Variants in ZFHX3 observed in about 807,000 individuals in gnomAD.
ZFHX3 encodes zinc finger homeobox protein 3.
Under a neutral mutation model 279.1 loss-of-function variants are expected in ZFHX3, and 42 were observed. That is an observed-to-expected ratio of 0.15 (90% confidence interval 0.12 to 0.19). The LOEUF (loss-of-function observed/expected upper bound fraction) is 0.19, where lower values mean the gene tolerates loss of function less well. Among genes scored for constraint, ZFHX3 ranks in the 10% least tolerant of loss-of-function variants. The pLI is 1.00. For synonymous variants in ZFHX3, 2,293 were observed against 1,957.8 expected (o/e 1.17, Z -4.52); for missense variants, 4,981 against 4,754.0 (o/e 1.05, Z -1.40).
At chr16:73,742,385 A>G (rs2053666677) in intron 1 of ZFHX3, among the ~76,000 whole-genome samples, 1 of 152,180 alleles carries the variant, frequency 6.6e-6, no homozygotes, top group Non-Finnish European at 1.5e-5. Flanking sequence ...TATTGTTTCC[A>G]TAGTTTCCAC....
chr16:73,809,034 G>T (rs1260149355), intron 1 of ZFHX3, among the ~76,000 whole-genome samples: 1 of 152,154 alleles, frequency 6.6e-6, no homozygotes. Context: ...TTTCTGTAAT[G>T]CATTTGTAAT....
intron 5 of ZFHX3, among the ~76,000 whole-genome samples, chr16:73,177,832 C>G (rs1305460205): frequency 6.6e-6 from 1 of 152,198 alleles, no homozygotes; most frequent in African/African-American, 2.4e-5. Context: ...TATGAGCTCA[C>G]TTTAATGCAA....
chr16:73,603,293 A>G (rs1014599602), intron 2 of ZFHX3, among the ~76,000 whole-genome samples: 2 of 150,402 alleles, frequency 1.3e-5, no homozygotes, highest in Admixed American at 6.6e-5. Context: ...TCAAAAAAAA[A>G]AAAGAAAGAA....
rs777812986 is a variant in ZFHX3, at chr16:72,960,003, C to T, written c.143G>A (p.Gly48Glu). The change falls in exon 2 of 10, where the codon GGG becomes GAG. Residue 48 changes from glycine to glutamate, a missense_variant. Transcript: ENST00000268489. Reference protein sequence around the residue: ...SMEQSTGESHGPLDSLRAPFN... With the variant: ...SMEQSTGESHEPLDSLRAPFN... ...GGGGGCCCTCAGGCTGTCCAAGGGCCCGTGGCTCTCGCCTGTGGACTGCTC... is the reference window on the plus strand; with the variant it reads ...GGGGGCCCTCAGGCTGTCCAAGGGCTCGTGGCTCTCGCCTGTGGACTGCTC... 1 of 1,613,862 alleles carries T rather than the reference C, an allele frequency of 6.2e-7. No homozygotes were observed. The highest frequency in any genetic ancestry group is 2.2e-5 in the East Asian group (1 of 44,862).
At chr16:73,139,101 G>A (rs568323437) in intron 6 of ZFHX3, among the ~76,000 whole-genome samples, 7 of 152,266 alleles carry the variant, frequency 4.6e-5, no homozygotes, top group African/African-American at 1.7e-4. Context: ...ATCCTAATGA[G>A]ACGAGACAGA....
intron 3 of ZFHX3, chr16:73,421,458 T>C (rs1036805936): frequency 6.6e-6 from 1 of 152,252 alleles, no homozygotes; most frequent in African/African-American, 2.4e-5. Context: ...GCAGATTCTT[T>C]TGAATGAATT....
At position 73,543,183 on chromosome 16, in the gene ZFHX3, T is replaced by C. The variant is rs182170638; in HGVS notation, c.-1546-86925A>G. On this transcript the variant is annotated intron_variant, in intron 2 of 17. Coordinates refer to the ZFHX3 transcript ENST00000641206. The stretch of plus-strand genomic sequence containing the variant: ...GCTGAGGTTTATGACTTCATTAGAA[T>C]ATTTCTCATCATAACTGAATAGGTA... Among the ~76,000 whole-genome samples, 396 of 152,320 alleles carry C rather than the reference T, an allele frequency of 2.6e-3. 2 individuals carry two copies. The highest frequency in any genetic ancestry group is 9.1e-3 in the African/African-American group (380 of 41,572).
chr16:73,455,436 C>T (rs183403916), intron 3 of ZFHX3, among the ~76,000 whole-genome samples: 2 of 152,284 alleles, frequency 1.3e-5, no homozygotes, highest in Non-Finnish European at 2.9e-5. Context: ...CTACATTCTT[C>T]CCACCCCAGA....
At chr16:73,476,015 T>C (rs2018759084) in intron 2 of ZFHX3, among the ~76,000 whole-genome samples, 1 of 152,110 alleles carries the variant, frequency 6.6e-6, no homozygotes, top group African/African-American at 2.4e-5. Flanking sequence ...CAAAAAGAAA[T>C]CGTAATTTTG....
At chr16:72,934,333 C>T (rs1184198954) in intron 3 of ZFHX3, among the ~76,000 whole-genome samples, 1 of 152,234 alleles carries the variant, frequency 6.6e-6, no homozygotes. Context: ...GAGGCTGAGG[C>T]AGGAGAATCA....
chr16:73,057,238 A>G (rs1051195210), intron 1 of ZFHX3, among the ~76,000 whole-genome samples: 5 of 152,266 alleles, frequency 3.3e-5, no homozygotes, highest in African/African-American at 1.2e-4. Flanking sequence ...CACAGTCCAA[A>G]GAATAGCACA....
At chr16:73,813,953 T>C (rs896165395) in intron 1 of ZFHX3, 1 of 152,256 alleles carries the variant, frequency 6.6e-6, no homozygotes, top group African/African-American at 2.4e-5. Context: ...TTTAACTCAT[T>C]GTAGCAATTC....
intron 4 of ZFHX3, among the ~76,000 whole-genome samples, chr16:73,300,923 G>C (rs982904210): frequency 6.6e-6 from 1 of 152,268 alleles, no homozygotes; most frequent in Non-Finnish European, 1.5e-5. Flanking sequence ...TGGAGAAGGA[G>C]ACTGATGTTG....
intron 2 of ZFHX3, among the ~76,000 whole-genome samples, chr16:73,538,605 C>G (rs1013809383): frequency 6.6e-6 from 1 of 152,166 alleles, no homozygotes; most frequent in Non-Finnish European, 1.5e-5. Flanking sequence ...GAAAGTAACA[C>G]ACAAATGTCC....
Position 73,674,035 on chromosome 16 carries a change from T to C in ZFHX3, c.-1547+6145A>G, listed in dbSNP as rs371892413. On this transcript the variant is annotated intron_variant, in intron 2 of 17. Transcript: ENST00000641206. ...ATCTCCCAAACTCAGAGACAGATCA[T>C]TGCCTCTGAAAATATACTTGAAGAA... Among the ~76,000 whole-genome samples the C allele has an allele frequency of 5.3e-4, 80 of 152,296 alleles. 1 individual carries two copies. Among genetic ancestry groups the C allele is most frequent in the African/African-American group, 1.7e-3 (72 of 41,564 alleles).
chr16:73,056,170 T>C (rs904203442), intron 1 of ZFHX3, among the ~76,000 whole-genome samples: 1 of 152,174 alleles, frequency 6.6e-6, no homozygotes, highest in Non-Finnish European at 1.5e-5. Flanking sequence ...GTGTACACTT[T>C]TTACGAAATC....
intron 2 of ZFHX3, among the ~76,000 whole-genome samples, chr16:73,632,315 C>T (rs2052481707): frequency 1.3e-5 from 2 of 152,100 alleles, no homozygotes; most frequent in Admixed American, 6.6e-5. Flanking sequence ...TCACTCTTGC[C>T]CCATCAGTAC....
At chr16:73,603,224 G>C (rs1039145237) in intron 2 of ZFHX3, among the ~76,000 whole-genome samples, 1 of 151,054 alleles carries the variant, frequency 6.6e-6, no homozygotes, top group Admixed American at 6.6e-5. Flanking sequence ...GGTGGAGCTT[G>C]CAGTGAGCCA....
At chr16:73,159,632 C>T (rs984240222) in intron 5 of ZFHX3, among the ~76,000 whole-genome samples, 2 of 152,084 alleles carry the variant, frequency 1.3e-5, no homozygotes, top group Admixed American at 1.3e-4. Flanking sequence ...GCCCAGCTTC[C>T]CCAAGAATTG....
Sources: allele counts gnomAD v4.1 joint callset (sites outside exome capture counted in the v4.1 genomes callset), GRCh38; gene constraint gnomAD v4.1.1; transcripts MANE v1.5; gene names NCBI Gene and HGNC (gene_info 2026-07-23, HGNC 2026-07-21).